CD37: variants seen among roughly 807,000 people sequenced by gnomAD.
The protein encoded by CD37 is leukocyte antigen CD37.
In CD37, 37 loss-of-function variants were observed where a neutral mutation model predicts 38.9. The observed-to-expected ratio is 0.95, with a 90% CI of 0.73 to 1.25. CD37 has a LOEUF of 1.25. CD37 is among the 50% of genes most tolerant of loss of function. The pLI is 0.00. For synonymous variants in CD37, 146 were observed against 150.1 expected (o/e 0.97, Z 0.20); for missense variants, 351 against 360.1 (o/e 0.97, Z 0.20).
Position 49,339,178 on chromosome 19 carries a change from C to T in CD37, c.685-152C>T. 1.3e-6 allele frequency: 1 copy of T among 745,702 alleles called. No individual in the cohort carries two copies. Among genetic ancestry groups the T allele is most frequent in the Middle Eastern group, 3.3e-4 (1 of 3,076 alleles). 46.2% of individuals were successfully genotyped at this position (745,702 alleles called of 1,614,324 possible). ...GGGGCCAGGCTTGGAAAAGGTGAAGCGAGGGTGCACTAGTAAGGAGACTAG... is the reference window on the plus strand; with the variant it reads ...GGGGCCAGGCTTGGAAAAGGTGAAGTGAGGGTGCACTAGTAAGGAGACTAG... On this transcript the variant is annotated intron_variant, in intron 6 of 7. Coordinates refer to ENST00000323906, the MANE Select transcript of CD37 (RefSeq NM_001774.3). This position sits in a 1 kb window ranked among gnomAD's most constrained non-coding sequence, Gnocchi z 4.5.
chr19:49,339,017 T>C lies in CD37; in HGVS notation c.684+81T>C, dbSNP rs1971076538. The C allele has an allele frequency of 1.8e-6, 2 of 1,129,768 alleles. No individual in the cohort carries two copies. Among genetic ancestry groups the C allele is most frequent in the Admixed American group, 1.8e-5 (1 of 55,206 alleles). 70.0% of individuals were successfully genotyped at this position (1,129,768 alleles called of 1,614,324 possible). On this transcript the variant is annotated intron_variant, in intron 6 of 7. Coordinates refer to ENST00000323906, the MANE Select transcript of CD37 (RefSeq NM_001774.3). This position sits in a 1 kb window ranked among gnomAD's most constrained non-coding sequence, Gnocchi z 4.5. ...GGAGGGCTGTCAGTGAGTAGCGGCC[T>C]GAGAAAGGGCGGGGTCTACGAGAAA...
chr19:49,335,560 G>T lies in CD37; in HGVS notation c.20G>T (p.Cys7Phe). 1 of 1,613,992 alleles carries T rather than the reference G, an allele frequency of 6.2e-7. No homozygotes were observed. Residue 7 changes from cysteine (C) to phenylalanine (F), a missense_variant, in exon 1 of 8, where the codon TGC (cysteine) becomes TTC (phenylalanine). Cys to Phe is a radical substitution (Grantham distance 205). Coordinates refer to ENST00000323906, the MANE Select transcript of CD37 (RefSeq NM_001774.3). This position sits in a 1 kb window ranked among gnomAD's most constrained non-coding sequence, Gnocchi z 4.6. ...GTGAAGATGTCAGCCCAGGAGAGCT[G>T]CCTCAGCCTCATCAAGTACTTCCTC... MSAQES[C>F]LSLIKYFLFV...
intron 4 of CD37, chr19:49,337,528 G>T: frequency 1.2e-6 from 1 of 833,576 alleles, no homozygotes; most frequent in Non-Finnish European, 1.8e-6. Context: ...AGGTCGAGGT[G>T]GGAGGATCAC....
At position 49,339,219 on chromosome 19, in the gene CD37, A is replaced by T; in HGVS notation, c.685-111A>T. 2.1e-6 allele frequency: 2 copies of T among 946,470 alleles called. No individual in the cohort carries two copies. The highest frequency in any genetic ancestry group is 1.6e-5 in the African/African-American group (1 of 61,364). 58.6% of individuals were successfully genotyped at this position (946,470 alleles called of 1,614,324 possible). On this transcript the variant is annotated intron_variant, in intron 6 of 7. Transcript: ENST00000323906. This position sits in a 1 kb window ranked among gnomAD's most constrained non-coding sequence, Gnocchi z 4.5. ...AGGAGACTAGAGTGCCCTGGTGACTAGGGGAGCGGGTAGATGCCTGAAGAC... is the reference window on the plus strand; with the variant it reads ...AGGAGACTAGAGTGCCCTGGTGACTTGGGGAGCGGGTAGATGCCTGAAGAC...
Position 49,339,320 on chromosome 19 carries a change from C to A in CD37, c.685-10C>A, listed in dbSNP as rs1011347072. ...AAAGAATCCCTTTAACTTTTCCCTA[C>A]ACCCCCCAGGGCTGCGCGCAGGGCC... On this transcript the variant is annotated splice_polypyrimidine_tract_variant and intron_variant, in intron 6 of 7. Coordinates refer to ENST00000323906, the MANE Select transcript of CD37 (RefSeq NM_001774.3). This position sits in a 1 kb window ranked among gnomAD's most constrained non-coding sequence, Gnocchi z 4.5. 2 of 1,612,066 alleles carry A rather than the reference C, an allele frequency of 1.2e-6. No individual in the cohort carries two copies. The highest frequency in any genetic ancestry group is 2.7e-5 in the African/African-American group (2 of 74,834).
chr19:49,337,853 G>A, intron 4 of CD37, 72 bp from the exon 5 acceptor site: 2 of 1,606,464 alleles, frequency 1.2e-6, no homozygotes, highest in Non-Finnish European at 1.7e-6. Context: ...GCCCGCCTGA[G>A]GCTGGCACAG....
In CD37 at chr19:49,335,845, C is replaced by A. The variant is rs1970933446; in HGVS notation, c.142+59C>A. Reference sequence around the variant, plus strand: ...CCCAACCCAAGCAACTTCCTGGGGTCTCCCTTGTCTCAGGGAGACCTACGG... The same window carrying A: ...CCCAACCCAAGCAACTTCCTGGGGTATCCCTTGTCTCAGGGAGACCTACGG... On this transcript the variant is annotated intron_variant, in intron 2 of 7. Coordinates refer to ENST00000323906, the MANE Select transcript of CD37 (RefSeq NM_001774.3). The surrounding 1 kb of genome is among the most constrained non-coding windows in gnomAD (Gnocchi z 4.6). 2 of 1,395,632 alleles carry A rather than the reference C, an allele frequency of 1.4e-6. No homozygotes were observed. Among genetic ancestry groups the A allele is most frequent in the South Asian group, 1.2e-5 (1 of 86,604 alleles). The allele number at this position is 1,395,632 out of a possible 1,614,324, so 86.5% of individuals were successfully genotyped here. A position where few individuals can be genotyped will look rare whatever the true frequency, so the allele number is the denominator to read the frequency against.
chr19:49,340,140 C>CA, intron 7 of CD37, 111 bp from the exon 8 acceptor site: 38 of 1,535,070 alleles, frequency 2.5e-5, no homozygotes, highest in Non-Finnish European at 2.3e-5. Flanking sequence ...TCTCCAGCCC[C>CA]TTCCCGCCCA....
In CD37 at chr19:49,339,820, G is replaced by A. The variant is rs979495332; in HGVS notation, c.768+407G>A. ...TCTGTGGGGTGGCTGGGGCATGGCG[G>A]GTGCCTGCCCCAACTGGGGAGACAA... On this transcript the variant is annotated intron_variant, in intron 7 of 7. Coordinates refer to ENST00000323906, the MANE Select transcript of CD37 (RefSeq NM_001774.3). This position sits in a 1 kb window ranked among gnomAD's most constrained non-coding sequence, Gnocchi z 4.5. The A allele has an allele frequency of 7.4e-5, 99 of 1,343,718 alleles. 1 individual carries two copies. Among genetic ancestry groups the A allele is most frequent in the Non-Finnish European group, 9.0e-5 (94 of 1,045,226 alleles). The allele number at this position is 1,343,718 out of a possible 1,614,324, so 83.2% of individuals were successfully genotyped here.
Position 49,338,827 on chromosome 19 carries a change from T to C in CD37, c.575T>C (p.Ile192Thr), listed in dbSNP as rs532509810. Residue 192 changes from isoleucine (I) to threonine (T), a missense_variant, in exon 6 of 8, where the codon ATC becomes ACC. By Grantham distance (89) the Ile-to-Thr change is moderately conservative (BLOSUM62 -1). Coordinates refer to ENST00000323906, the MANE Select transcript of CD37 (RefSeq NM_001774.3). This position sits in a 1 kb window ranked among gnomAD's most constrained non-coding sequence, Gnocchi z 5.0. ...TTGTCGGCGACCAACGACTCCACAATCCTAGATAAGGTGATCTTGCCCCAG... is the reference window on the plus strand; with the variant it reads ...TTGTCGGCGACCAACGACTCCACAACCCTAGATAAGGTGATCTTGCCCCAG... ...YNLSATNDST[I>T]LDKVILPQLS... 4 of 1,614,056 alleles carry C rather than the reference T, an allele frequency of 2.5e-6. No individual in the cohort carries two copies. The highest frequency in any genetic ancestry group is 3.4e-6 in the Non-Finnish European group (4 of 1,180,014).
intron 2 of CD37, 21 bp from the exon 3 acceptor site, chr19:49,336,888 C>T: frequency 6.2e-7 from 1 of 1,612,952 alleles, no homozygotes. Context: ...AGCTCATCAT[C>T]ACTCCCCTCA....
At chr19:49,336,733 C>G (rs1970969569) in intron 2 of CD37, 176 bp from the exon 3 acceptor site, 1 of 611,234 alleles carries the variant, frequency 1.6e-6, no homozygotes, top group Admixed American at 3.1e-5. Context: ...GGAAACAGGC[C>G]CAGAAAGAAG....
chr19:49,340,248 T>C lies in CD37; in HGVS notation c.769-3T>C. Reference sequence around the variant, plus strand: ...TCTCTGACCTCATCTCCTTTCTCTATAGCTCGGGTTCATGACGCTCTCGAT... The same window carrying C: ...TCTCTGACCTCATCTCCTTTCTCTACAGCTCGGGTTCATGACGCTCTCGAT... On this transcript the variant is annotated splice_polypyrimidine_tract_variant and splice_region_variant and intron_variant, in intron 7 of 7. Transcript: ENST00000323906. The C allele has an allele frequency of 6.2e-7, 1 of 1,610,528 alleles. No individual in the cohort carries two copies. Among genetic ancestry groups the C allele is most frequent in the Non-Finnish European group, 8.5e-7 (1 of 1,177,780 alleles).
chr19:49,339,505 G>A lies in CD37; in HGVS notation c.768+92G>A. On this transcript the variant is annotated intron_variant, in intron 7 of 7. Coordinates refer to ENST00000323906, the MANE Select transcript of CD37 (RefSeq NM_001774.3). This position sits in a 1 kb window ranked among gnomAD's most constrained non-coding sequence, Gnocchi z 4.5. ...CGTCCTTCGGTTGCCTGGGAAGGAC[G>A]AGCTCAGGGCGGAGCGCAGCCCACC... The A allele has an allele frequency of 5.2e-6, 8 of 1,527,424 alleles. No homozygotes were observed. The South Asian group carries it at 5.7e-5, about 11-fold the overall frequency. 94.6% of individuals were successfully genotyped at this position (1,527,424 alleles called of 1,614,324 possible). A position where few individuals can be genotyped will look rare whatever the true frequency, so the allele number is the denominator to read the frequency against.
chr19:49,339,837 G>A lies in CD37; in HGVS notation c.769-414G>A. On this transcript the variant is annotated intron_variant, in intron 7 of 7. Transcript: ENST00000323906. This position sits in a 1 kb window ranked among gnomAD's most constrained non-coding sequence, Gnocchi z 4.5. ...GCATGGCGGGTGCCTGCCCCAACTG[G>A]GGAGACAAGGCACCGCAGGGCAAGC... The A allele has an allele frequency of 1.5e-6, 2 of 1,338,064 alleles. No homozygotes were observed. The highest frequency in any genetic ancestry group is 1.9e-6 in the Non-Finnish European group (2 of 1,041,234). 82.9% of individuals were successfully genotyped at this position (1,338,064 alleles called of 1,614,324 possible).
At position 49,335,406 on chromosome 19, in the gene CD37, C is replaced by T. The variant is rs955190029; in HGVS notation, c.-135C>T. On this transcript the variant is annotated 5_prime_UTR_variant, in exon 1 of 8. Transcript: ENST00000323906. This position sits in a 1 kb window ranked among gnomAD's most constrained non-coding sequence, Gnocchi z 4.6. ...GGTGGAGCCCCACCCCTGGAACTTC[C>T]TCTTTTGGGGTTCTTCCTTTCTCTC... 3 of 719,594 alleles carry T rather than the reference C, an allele frequency of 4.2e-6. No individual in the cohort carries two copies. The highest frequency in any genetic ancestry group is 2.3e-5 in the Admixed American group (1 of 43,038). 44.6% of individuals were successfully genotyped at this position (719,594 alleles called of 1,614,324 possible).
rs748115500 is a variant in CD37, at chr19:49,337,940, C to T, written c.358C>T (p.Arg120Trp). 3.7e-6 allele frequency: 6 copies of T among 1,613,830 alleles called. No homozygotes were observed. Among genetic ancestry groups the T allele is most frequent in the Admixed American group, 1.7e-5 (1 of 59,992 alleles). ...TQRAQLERSL[R>W]DVVEKTIQKY... ...GGCCTCTCAGCTGGAGCGAAGCTTG[C>T]GGGACGTCGTAGAGAAAACCATCCA... is the stretch of plus-strand genomic sequence containing the variant. Residue 120 changes from arginine to tryptophan, a missense_variant, in exon 5 of 8, where the codon CGG (arginine) becomes TGG (tryptophan). Physicochemically the swap from Arg to Trp is moderately radical, Grantham distance 101. Transcript: ENST00000323906.
Position 49,338,324 on chromosome 19 carries a change from G to C in CD37, c.447+295G>C. 1 of 644,316 alleles carries C rather than the reference G, an allele frequency of 1.6e-6. No individual in the cohort carries two copies. The highest frequency in any genetic ancestry group is 2.4e-6 in the Non-Finnish European group (1 of 418,082). 39.9% of individuals were successfully genotyped at this position (644,316 alleles called of 1,614,324 possible). On this transcript the variant is annotated intron_variant, in intron 5 of 7. Coordinates refer to ENST00000323906, the MANE Select transcript of CD37 (RefSeq NM_001774.3). The surrounding 1 kb of genome is among the most constrained non-coding windows in gnomAD (Gnocchi z 5.0). ...TAGTCCCAAGACCCTAGCGAGACAC[G>C]GCTTCCTACCCCGTAGTGACTCTGG...
chr19:49,337,301 C>A, intron 4 of CD37, 80 bp downstream of exon 4: 2 of 1,385,230 alleles, frequency 1.4e-6, no homozygotes, highest in Non-Finnish European at 2.0e-6. Context: ...TGGAGAGAGA[C>A]CGAAACAAGG....
Sources: allele counts gnomAD v4.1 joint callset, GRCh38; gene constraint gnomAD v4.1.1; non-coding constraint Gnocchi (gnomAD v3.1); transcripts MANE v1.5; gene names NCBI Gene and HGNC (gene_info 2026-07-23, HGNC 2026-07-21).